Variants in STK24 observed in about 807,000 individuals in gnomAD.
The protein encoded by STK24 is serine/threonine kinase 24, also known as serine/threonine-protein kinase 24.
Under a neutral mutation model 55.6 loss-of-function variants are expected in STK24, and 21 were observed. That is an observed-to-expected ratio of 0.38 (90% CI 0.27 to 0.54). The LOEUF (loss-of-function observed/expected upper bound fraction) is 0.54. Ranked by LOEUF, STK24 falls within the 20% of genes least tolerant of loss-of-function variation. The probability of loss-of-function intolerance (pLI) is 0.79; values close to 1 mark genes in which losing one functional copy is unlikely to be tolerated. For synonymous variants in STK24, 200 were observed against 215.2 expected, an observed-to-expected ratio of 0.93 and a Z score of 0.62; for missense variants, 383 against 538.4, an observed-to-expected ratio of 0.71 and a Z score of 2.86.
rs1345202468 is a variant in STK24, at chr13:98,451,639, C to T, written c.*1534G>A. On this transcript the variant is annotated 3_prime_UTR_variant, in exon 11 of 11. Coordinates refer to ENST00000539966, the MANE Select transcript of STK24 (RefSeq NM_001032296.4). The stretch of plus-strand genomic sequence containing the variant: ...CAGATAGCTGAGCTACATCCCCAAG[C>T]TCACCCACTAACTTCCTTGCTTCCA... The T allele has an allele frequency of 6.6e-6, 1 of 152,218 alleles. No homozygotes were observed. The highest frequency in any genetic ancestry group is 1.5e-5 in the Non-Finnish European group (1 of 68,068). 9.4% of individuals were successfully genotyped at this position (152,218 alleles called of 1,614,324 possible). A position where few individuals can be genotyped will look rare whatever the true frequency, so the allele number is the denominator to read the frequency against.
chr13:98,550,875 G>C (rs1397389962), intron 1 of STK24, among the ~76,000 whole-genome samples: 1 of 151,888 alleles, frequency 6.6e-6, no homozygotes, highest in Non-Finnish European at 1.5e-5. Flanking sequence ...AAAGCAAAAA[G>C]AAAACCTTCT....
chr13:98,575,520 G>A (rs561745733), intron 1 of STK24, among the ~76,000 whole-genome samples: 1 of 152,202 alleles, frequency 6.6e-6, no homozygotes, highest in East Asian at 1.9e-4. Context: ...AACCTGAACA[G>A]TGAAATCCAG....
intron 2 of STK24, among the ~76,000 whole-genome samples, chr13:98,484,455 G>A (rs1029971029): frequency 2.0e-5 from 3 of 152,098 alleles, no homozygotes; most frequent in Non-Finnish European, 2.9e-5. Context: ...TAATCTCCCC[G>A]CCTCTTCTCC....
chr13:98,447,903 G>A lies in STK24; in HGVS notation c.*5270C>T, dbSNP rs12869774. 26,496 of 342,068 alleles carry A rather than the reference G, an allele frequency of 0.077. 1,306 individuals carry two copies. The highest frequency in any genetic ancestry group is 0.16 in the African/African-American group (7,659 of 46,798). The allele number at this position is 342,068 out of a possible 1,614,324, so 21.2% of individuals were successfully genotyped here. A position where few individuals can be genotyped will look rare whatever the true frequency, so the allele number is the denominator to read the frequency against. On this transcript the variant is annotated 3_prime_UTR_variant, in exon 11 of 11. Transcript: ENST00000539966. Reference sequence around the variant, plus strand: ...GCTTCCACTAAGCAGGATGGGACACGTCCCGCCATTCTCTGCCATGTCCAT... The same window carrying A: ...GCTTCCACTAAGCAGGATGGGACACATCCCGCCATTCTCTGCCATGTCCAT...
rs117093274 is a variant in STK24 at position 98,564,029 on chromosome 13, C to T, written c.42+12716G>A. ...AAATCCAGTACACCCTAATAACAGA[C>T]GACATTATTAAAATAAATGGGGGGG... is the stretch of plus-strand genomic sequence containing the variant. On this transcript the variant is annotated intron_variant, in intron 1 of 10. Coordinates refer to ENST00000539966, the MANE Select transcript of STK24 (RefSeq NM_001032296.4). Among the ~76,000 whole-genome samples, 1,351 of 152,074 alleles carry T rather than the reference C, an allele frequency of 8.9e-3. 14 individuals are homozygous for T. The highest frequency in any genetic ancestry group is 0.014 in the Non-Finnish European group (977 of 67,992).
At chr13:98,515,785 A>G (rs1291977906) in intron 2 of STK24, among the ~76,000 whole-genome samples, 5 of 152,224 alleles carry the variant, frequency 3.3e-5, no homozygotes, top group African/African-American at 9.6e-5. Flanking sequence ...CCAACAATGA[A>G]GAAACCCATT....
At position 98,460,451 on chromosome 13, in the gene STK24, A is replaced by G; in HGVS notation, c.1054-11T>C. The G allele has an allele frequency of 6.2e-7, 1 of 1,607,604 alleles. No homozygotes were observed. Among genetic ancestry groups the G allele is most frequent in the Non-Finnish European group, 8.5e-7 (1 of 1,174,854 alleles). ...CGGGATGTCTTTCATCTTGGGGGAG[A>G]GGGAAAAAAAGGTCATCAGAAACAG... On this transcript the variant is annotated splice_polypyrimidine_tract_variant and intron_variant, in intron 8 of 10. Transcript: ENST00000539966.
At chr13:98,471,235 G>A (rs1193847325) in intron 5 of STK24, among the ~76,000 whole-genome samples, 3 of 152,126 alleles carry the variant, frequency 2.0e-5, no homozygotes, top group African/African-American at 7.2e-5. Context: ...GGTTCTGGCA[G>A]CCCATCGGCT....
chr13:98,538,746 G>GTAGGGTT (rs1896803758), intron 1 of STK24, among the ~76,000 whole-genome samples: 1 of 152,056 alleles, frequency 6.6e-6, no homozygotes, highest in African/African-American at 2.4e-5. Flanking sequence ...CCTCCTGGAG[G>GTAGGGTT]GAGCTTCCAG....
intron 2 of STK24, among the ~76,000 whole-genome samples, chr13:98,495,786 G>GCCC (rs1245078572): frequency 6.6e-6 from 1 of 152,130 alleles, no homozygotes; most frequent in African/African-American, 2.4e-5. Flanking sequence ...TGAAATGTAC[G>GCCC]CCCTTGTGAT....
At chr13:98,541,301 T>A (rs575840111) in intron 1 of STK24, among the ~76,000 whole-genome samples, 14 of 152,310 alleles carry the variant, frequency 9.2e-5, no homozygotes, top group Non-Finnish European at 1.9e-4. Context: ...CTGCATCTCA[T>A]TATTGGGCCC....
intron 1 of STK24, among the ~76,000 whole-genome samples, chr13:98,541,306 G>T (rs1249863045): frequency 2.0e-5 from 3 of 152,072 alleles, no homozygotes; most frequent in Non-Finnish European, 2.9e-5. Flanking sequence ...TCTCATTATT[G>T]GGCCCGAGAA....
At chr13:98,514,594 G>T (rs1045453316) in intron 2 of STK24, among the ~76,000 whole-genome samples, 1 of 152,102 alleles carries the variant, frequency 6.6e-6, no homozygotes, top group Non-Finnish European at 1.5e-5. Context: ...TGTAAGTCAG[G>T]GATCTGAATC....
Position 98,446,578 on chromosome 13 carries a change from C to A in STK24, c.*6595G>T. 1 of 1,428,072 alleles carries A rather than the reference C, an allele frequency of 7.0e-7. No individual in the cohort carries two copies. Among genetic ancestry groups the A allele is most frequent in the Non-Finnish European group, 9.7e-7 (1 of 1,026,888 alleles). 88.5% of individuals were successfully genotyped at this position (1,428,072 alleles called of 1,614,324 possible). On this transcript the variant is annotated 3_prime_UTR_variant, in exon 11 of 11. Coordinates refer to ENST00000539966, the MANE Select transcript of STK24 (RefSeq NM_001032296.4). ...CCGAGGAGGGAGCTGCCTGGGCTCC[C>A]AAGTCCCTGTCTGATGCGGGGCAGC...
chr13:98,506,636 G>A (rs1353624841), intron 2 of STK24, among the ~76,000 whole-genome samples: 4 of 152,162 alleles, frequency 2.6e-5, no homozygotes, highest in Non-Finnish European at 4.4e-5. Flanking sequence ...TGTGGACCCT[G>A]GCTAAGCTTC....
intron 1 of STK24, among the ~76,000 whole-genome samples, chr13:98,541,425 G>A (rs1012849346): frequency 6.6e-6 from 1 of 152,202 alleles, no homozygotes; most frequent in Non-Finnish European, 1.5e-5. Flanking sequence ...AGTTTGTTCA[G>A]ATGTTCAAAG....
At chr13:98,461,054 A>AAAGAG (rs368896026) in intron 8 of STK24, among the ~76,000 whole-genome samples, 18,720 of 143,216 alleles carry the variant, frequency 0.13, 1,338 homozygotes, top group Middle Eastern at 0.2. Flanking sequence ...AAAAAAAAAA[A>AAAGAG]AGAGAGAGAG....
rs1238024101 is a variant in STK24 at position 98,506,619 on chromosome 13, A to T, written c.273+12624T>A. 2.0e-5 allele frequency among the ~76,000 whole-genome samples: 3 copies of T among 152,198 alleles called. No homozygotes were observed. The East Asian group carries it at 5.8e-4, about 29-fold the overall frequency. On this transcript the variant is annotated intron_variant, in intron 2 of 10. Coordinates refer to ENST00000539966, the MANE Select transcript of STK24 (RefSeq NM_001032296.4). Reference sequence around the variant, plus strand: ...GCAATTTCCCACTCAAACACAAAGGACAGACTTGTGGACCCTGGCTAAGCT... The same window carrying T: ...GCAATTTCCCACTCAAACACAAAGGTCAGACTTGTGGACCCTGGCTAAGCT...
intron 3 of STK24, among the ~76,000 whole-genome samples, chr13:98,477,229 T>C (rs992682811): frequency 3.3e-4 from 51 of 152,360 alleles, no homozygotes; most frequent in Admixed American, 2.6e-3. Flanking sequence ...TCAGTGTTCA[T>C]AGAATGTAGA....
Sources: allele counts gnomAD v4.1 joint callset (sites outside exome capture counted in the v4.1 genomes callset), GRCh38; gene constraint gnomAD v4.1.1; transcripts MANE v1.5; gene names NCBI Gene and HGNC (gene_info 2026-07-23, HGNC 2026-07-21).